Variants in OVCH1 observed in about 807,000 individuals in gnomAD.
The protein encoded by OVCH1 is ovochymase 1.
In OVCH1, 139 loss-of-function variants were observed where a neutral mutation model predicts 138.4. The observed-to-expected ratio is 1.00, with a 90% CI of 0.87 to 1.16. OVCH1 has a LOEUF of 1.16. Ranked by LOEUF, OVCH1 falls within the 50% of genes most tolerant of loss-of-function variation. OVCH1 has a pLI of 0.00. For synonymous variants in OVCH1, 453 were observed against 467.8 expected, an observed-to-expected ratio of 0.97 and a Z score of 0.41; for missense variants, 1,367 against 1,357.9, an observed-to-expected ratio of 1.01 and a Z score of -0.11.
intron 25 of OVCH1, among the ~76,000 whole-genome samples, chr12:29,442,553 C>G (rs1229303535): frequency 2.7e-5 from 4 of 150,856 alleles, no homozygotes; most frequent in Non-Finnish European, 5.9e-5. Context: ...AGCACACCAG[C>G]ATGGCACATG....
At chr12:29,451,515 C>A (rs376556844) in exon 22 of OVCH1, 1 of 1,612,942 alleles carries the variant, frequency 6.2e-7, no homozygotes, top group Non-Finnish European at 8.5e-7. Context: ...CAGTAGATAC[C>A]GTGGTGTGGG....
At chr12:29,447,753 TAATGA>T (rs147670424) in intron 22 of OVCH1, among the ~76,000 whole-genome samples, 9,289 of 152,156 alleles carry the variant, frequency 0.061, 370 homozygotes, top group Non-Finnish European at 0.084. Flanking sequence ...TCAAAGCTAC[TAATGA>T]AATGAAAGCC....
chr12:29,462,414 AAAT>A (rs1291582314), intron 18 of OVCH1, among the ~76,000 whole-genome samples: 2 of 151,180 alleles, frequency 1.3e-5, no homozygotes, highest in African/African-American at 4.8e-5. Flanking sequence ...AATTGCTTAC[AAAT>A]AATATGCTTA....
At chr12:29,463,845 A>G (rs1449071402) in intron 18 of OVCH1, among the ~76,000 whole-genome samples, 1 of 152,212 alleles carries the variant, frequency 6.6e-6, no homozygotes, top group Non-Finnish European at 1.5e-5. Flanking sequence ...CAGATTCCAA[A>G]TAAATGACAT....
chr12:29,445,609 A>G (rs936850607), intron 22 of OVCH1, among the ~76,000 whole-genome samples: 1 of 152,088 alleles, frequency 6.6e-6, no homozygotes, highest in Non-Finnish European at 1.5e-5. Context: ...ACTTGGGTCC[A>G]TGTATCCAAT....
chr12:29,406,592 G>T, the OVCH1 span, among the ~76,000 whole-genome samples: 1 of 151,300 alleles, frequency 6.6e-6, no homozygotes, highest in African/African-American at 2.4e-5. Flanking sequence ...TACTGAGAAT[G>T]ATGATTTCCA....
chr12:29,443,524 C>T, intron 24 of OVCH1, 24 bp from the exon 25 acceptor site: 1 of 1,561,780 alleles, frequency 6.4e-7, no homozygotes. Context: ...GAAACAAAGT[C>T]AGAAATTATT....
At chr12:29,454,723 C>T in intron 21 of OVCH1, 118 bp downstream of exon 21, 2 of 847,382 alleles carry the variant, frequency 2.4e-6, no homozygotes, top group Non-Finnish European at 3.6e-6. Context: ...AACTACCAAC[C>T]AGAAGGAAAA....
downstream of OVCH1, among the ~76,000 whole-genome samples, chr12:29,424,841 T>C (rs889862665): frequency 8.8e-4 from 134 of 152,320 alleles, no homozygotes; most frequent in African/African-American, 3.1e-3. Context: ...TCAGTTGGTA[T>C]TTACAAAGTA....
At chr12:29,455,022 CAAA>C in intron 20 of OVCH1, 89 bp from the exon 21 acceptor site, 1 of 1,259,890 alleles carries the variant, frequency 7.9e-7, no homozygotes, top group East Asian at 2.5e-5. Context: ...TCAAAAGAAA[CAAA>C]AAAGAAACAA....
At chr12:29,493,580 A>G (rs1943330923) in intron 4 of OVCH1, among the ~76,000 whole-genome samples, 2 of 152,090 alleles carry the variant, frequency 1.3e-5, no homozygotes, top group Admixed American at 1.3e-4. Context: ...CCGGGTAATT[A>G]TTTCAGATTG....
chr12:29,414,751 T>C (rs1941010038), intron 3 of OVCH1, among the ~76,000 whole-genome samples: 1 of 152,108 alleles, frequency 6.6e-6, no homozygotes, highest in Non-Finnish European at 1.5e-5. Flanking sequence ...AAAAAATATA[T>C]ATACAAGGAT....
chr12:29,429,073 G>A (rs1045697337), intron 27 of OVCH1, among the ~76,000 whole-genome samples: 2 of 152,054 alleles, frequency 1.3e-5, no homozygotes, highest in Non-Finnish European at 2.9e-5. Flanking sequence ...ACCACTCATC[G>A]GTAAAGATTA....
chr12:29,439,347 T>A, exon 26 of OVCH1: 1 of 1,555,532 alleles, frequency 6.4e-7, no homozygotes, highest in Non-Finnish European at 8.7e-7. Context: ...TTCCCATATA[T>A]GCATGATATA....
downstream of OVCH1, among the ~76,000 whole-genome samples, chr12:29,407,971 C>G (rs1374477051): frequency 2.1e-5 from 3 of 143,776 alleles, no homozygotes; most frequent in Non-Finnish European, 3.2e-5. Flanking sequence ...TTTGTATCCT[C>G]TTTTATTTCC....
intron 22 of OVCH1, among the ~76,000 whole-genome samples, chr12:29,447,613 A>G (rs1477085115): frequency 1.3e-5 from 2 of 152,198 alleles, no homozygotes; most frequent in African/African-American, 2.4e-5. Flanking sequence ...AGGTAAATGA[A>G]GATGGTTTCA....
At chr12:29,482,719 C>T (rs146762228) in intron 8 of OVCH1, among the ~76,000 whole-genome samples, 51 of 152,290 alleles carry the variant, frequency 3.3e-4, no homozygotes, top group African/African-American at 1.1e-3. Context: ...TTTCTATATG[C>T]GATGGCATTT....
chr12:29,449,006 G>A (rs1941696918), intron 22 of OVCH1, among the ~76,000 whole-genome samples: 1 of 152,212 alleles, frequency 6.6e-6, no homozygotes. Context: ...GCAAACAGGA[G>A]GAAGCAAGTT....
At chr12:29,487,814 G>A (rs933110756) in exon 7 of OVCH1, 2 of 1,607,854 alleles carry the variant, frequency 1.2e-6, no homozygotes, top group Non-Finnish European at 1.7e-6. Flanking sequence ...CAGCTACCCA[G>A]GAAGTTATCC....
Sources: gnomAD v4.1 joint callset for allele counts (sites outside exome capture counted in the v4.1 genomes callset) on GRCh38, gnomAD v4.1.1 for gene constraint, MANE v1.5 for transcripts, NCBI Gene and HGNC (gene_info 2026-07-23, HGNC 2026-07-21) for gene names.